The following STAG1 variants were observed in gnomAD, a reference collection of about 807,000 sequenced individuals.
STAG1 encodes the protein cohesin subunit SA-1.
STAG1 carries 26 observed loss-of-function variants against 170.9 expected under a neutral mutation model. That is an observed-to-expected ratio of 0.15 (90% CI 0.11 to 0.21). The LOEUF (loss-of-function observed/expected upper bound fraction) is 0.21. STAG1 is among the 10% of genes least tolerant of loss of function. The probability of loss-of-function intolerance (pLI) is 1.00; values close to 1 mark genes in which losing one functional copy is unlikely to be tolerated. For missense variants in STAG1, 964 were observed against 1,509.5 expected, an observed-to-expected ratio of 0.64 and a Z score of 5.99; for synonymous variants, 514 against 497.7, an observed-to-expected ratio of 1.03 and a Z score of -0.44.
At chr3:136,745,099 T>C (rs1054939603) in intron 1 of STAG1, among the ~76,000 whole-genome samples, 1 of 152,210 alleles carries the variant, frequency 6.6e-6, no homozygotes, top group Non-Finnish European at 1.5e-5. Context: ...TAGGCTACAA[T>C]GTAAAATGTT....
At chr3:136,556,855 T>C (rs1936644613) in intron 5 of STAG1, among the ~76,000 whole-genome samples, 1 of 152,044 alleles carries the variant, frequency 6.6e-6, no homozygotes, top group African/African-American at 2.4e-5. Flanking sequence ...AGTGTTGGGA[T>C]TACAGGTACG....
intron 21 of STAG1, among the ~76,000 whole-genome samples, chr3:136,417,398 T>C (rs1056663818): frequency 6.6e-6 from 1 of 152,198 alleles, no homozygotes; most frequent in African/African-American, 2.4e-5. Flanking sequence ...CTCTTTCAGA[T>C]TAGGCAAAGT....
intron 29 of STAG1, among the ~76,000 whole-genome samples, chr3:136,344,916 CTCTTT>C (rs1016259984): frequency 3.3e-5 from 5 of 151,926 alleles, no homozygotes; most frequent in Non-Finnish European, 7.4e-5. Flanking sequence ...GCCCAGGCTT[CTCTTT>C]TAATTTCTAG....
At chr3:136,665,298 G>T (rs1470381905) in intron 1 of STAG1, among the ~76,000 whole-genome samples, 2 of 152,152 alleles carry the variant, frequency 1.3e-5, no homozygotes, top group African/African-American at 4.8e-5. Flanking sequence ...TTGTATGTGA[G>T]ATAGATATGG....
chr3:136,751,525 G>A (rs1017565286), intron 1 of STAG1, among the ~76,000 whole-genome samples: 2 of 152,020 alleles, frequency 1.3e-5, no homozygotes, highest in Non-Finnish European at 2.9e-5. Context: ...GTTTCACAAG[G>A]AGGCCCCCGT....
chr3:136,458,561 A>T (rs2089184798), intron 13 of STAG1, among the ~76,000 whole-genome samples: 1 of 152,240 alleles, frequency 6.6e-6, no homozygotes, highest in African/African-American at 2.4e-5. Context: ...CAGAATCAAA[A>T]TATATTATTA....
chr3:136,421,176 G>A lies in STAG1; in HGVS notation c.2038-13C>T, dbSNP rs1483275440. On this transcript the variant is annotated splice_polypyrimidine_tract_variant and intron_variant, in intron 19 of 33. Transcript: ENST00000383202. ...CAGCTTCTTCTCCCTATAAAAAAAG[G>A]AAACATCACATCATTACAACTTTAC... 1.3e-6 allele frequency: 2 copies of A among 1,582,014 alleles called. No homozygotes were observed. The highest frequency in any genetic ancestry group is 2.7e-5 in the African/African-American group (2 of 73,784).
chr3:136,752,000 C>G (rs1364407290), intron 1 of STAG1, among the ~76,000 whole-genome samples, 195 bp downstream of exon 1: 1 of 150,840 alleles, frequency 6.6e-6, no homozygotes, highest in Non-Finnish European at 1.5e-5. Context: ...GGCCCACGAC[C>G]GCCGCACCCC....
At chr3:136,698,436 A>G (rs983073419) in intron 1 of STAG1, among the ~76,000 whole-genome samples, 1 of 152,208 alleles carries the variant, frequency 6.6e-6, no homozygotes, top group African/African-American at 2.4e-5. Context: ...TAAAACCACA[A>G]TGAGATACCA....
At chr3:136,743,421 A>G (rs1451893203) in intron 1 of STAG1, among the ~76,000 whole-genome samples, 1 of 152,100 alleles carries the variant, frequency 6.6e-6, no homozygotes, top group African/African-American at 2.4e-5. Context: ...AGATATCACT[A>G]CAGATCCTAC....
intron 26 of STAG1, among the ~76,000 whole-genome samples, chr3:136,362,328 G>A (rs1218147633): frequency 3.3e-5 from 5 of 151,764 alleles, no homozygotes; most frequent in Non-Finnish European, 5.9e-5. Context: ...CATATCCCTC[G>A]CTCACTTTTC....
chr3:136,649,971 G>A (rs1160322029), intron 1 of STAG1, among the ~76,000 whole-genome samples: 4 of 152,060 alleles, frequency 2.6e-5, no homozygotes, highest in African/African-American at 7.2e-5. Flanking sequence ...GTTTCACCGT[G>A]TCAGCCAAGA....
chr3:136,378,159 C>T (rs1443989082), intron 22 of STAG1, among the ~76,000 whole-genome samples: 1 of 152,180 alleles, frequency 6.6e-6, no homozygotes, highest in Non-Finnish European at 1.5e-5. Context: ...TCTCAGCACT[C>T]TGCAAAATGT....
chr3:136,350,857 T>C (rs887473558), intron 28 of STAG1, among the ~76,000 whole-genome samples: 2 of 152,126 alleles, frequency 1.3e-5, no homozygotes, highest in Non-Finnish European at 2.9e-5. Flanking sequence ...AGGGTGCTGG[T>C]AGTTCTCTGA....
intron 21 of STAG1, among the ~76,000 whole-genome samples, chr3:136,402,804 G>A (rs1348614116): frequency 6.6e-6 from 1 of 151,902 alleles, no homozygotes; most frequent in Admixed American, 6.6e-5. Flanking sequence ...CCCAGCGTGG[G>A]TGACAGTGAG....
intron 1 of STAG1, among the ~76,000 whole-genome samples, chr3:136,700,175 T>A (rs561093274): frequency 3.4e-5 from 5 of 148,056 alleles, no homozygotes; most frequent in South Asian, 2.2e-4. Context: ...CCCAAATTGT[T>A]TCTTTTTCTC....
intron 12 of STAG1, among the ~76,000 whole-genome samples, chr3:136,466,348 T>C (rs1456572462): frequency 1.3e-5 from 2 of 152,146 alleles, no homozygotes; most frequent in Non-Finnish European, 2.9e-5. Context: ...GAGAACTACG[T>C]GACGAATGCA....
intron 4 of STAG1, among the ~76,000 whole-genome samples, chr3:136,595,733 C>CT (rs1265119516): frequency 6.7e-6 from 1 of 149,486 alleles, no homozygotes; most frequent in Non-Finnish European, 1.5e-5. Context: ...TAAATAAGAA[C>CT]TTTCTTTAGT....
intron 4 of STAG1, among the ~76,000 whole-genome samples, chr3:136,582,599 G>C (rs1436307599): frequency 2.0e-5 from 3 of 152,196 alleles, no homozygotes; most frequent in East Asian, 1.9e-4. Flanking sequence ...AGGAGTTCGA[G>C]ACCAGCCTGG....
Sources: allele counts gnomAD v4.1 joint callset (sites outside exome capture counted in the v4.1 genomes callset), GRCh38; gene constraint gnomAD v4.1.1; transcripts MANE v1.5; gene names NCBI Gene and HGNC (gene_info 2026-07-23, HGNC 2026-07-21).